Variants in CTNNA3 observed in about 807,000 individuals in gnomAD.
CTNNA3 encodes catenin alpha-3.
Under a neutral mutation model 95.7 loss-of-function variants are expected in CTNNA3, and 76 were observed. The observed-to-expected ratio is 0.79, with a 90% CI of 0.66 to 0.96. The LOEUF is 0.96. CTNNA3 is among the 40% of genes least tolerant of loss of function. The pLI is 0.00. For missense variants in CTNNA3, 1,191 were observed against 1,089.8 expected (o/e 1.09, Z -1.31); for synonymous variants, 431 against 374.4 (o/e 1.15, Z -1.74).
rs559405141 is a variant in CTNNA3, at chr10:67,252,817, A to C, written c.580-32947T>G. ...TTTCTGGTGCAACATGCTGTCAATC[A>C]GAACACATTTTCTGTTTATGTCTTT... On this transcript the variant is annotated intron_variant, in intron 5 of 17. Transcript: ENST00000433211. Among the ~76,000 whole-genome samples, 481 of 152,340 alleles carry C rather than the reference A, an allele frequency of 3.2e-3. 3 individuals carry two copies. The highest frequency in any genetic ancestry group is 5.9e-3 in the Non-Finnish European group (403 of 68,024).
chr10:67,762,514 G>A (rs940235449), intron 1 of CTNNA3, among the ~76,000 whole-genome samples: 1 of 152,072 alleles, frequency 6.6e-6, no homozygotes, highest in African/African-American at 2.4e-5. Flanking sequence ...AGAAGAAAAG[G>A]AACTTCCAGT....
Position 66,745,587 on chromosome 10 carries a change from C to CTTTTTTTT in CTNNA3, c.1281+20669_1281+20676dup, listed in dbSNP as rs368932444. On this transcript the variant is annotated intron_variant, in intron 9 of 17. Coordinates refer to ENST00000433211, the MANE Select transcript of CTNNA3 (RefSeq NM_013266.4). Reference sequence around the variant, plus strand: ...TCTAATGGTATATAATGCAGACAGCCTTTTTTTTTTTTTTTTTTTTGAGAC... The same window carrying CTTTTTTTT: ...TCTAATGGTATATAATGCAGACAGCCTTTTTTTTTTTTTTTTTTTTTTTTTTTTGAGAC... Among the ~76,000 whole-genome samples, 5 of 109,648 alleles carry CTTTTTTTT rather than the reference C, an allele frequency of 4.6e-5. 1 individual carries two copies. The highest frequency in any genetic ancestry group is 8.9e-5 in the Non-Finnish European group (5 of 56,414). The allele number at this position is 109,648 out of a possible 152,430, so 71.9% of individuals were successfully genotyped here. A position where few individuals can be genotyped will look rare whatever the true frequency, so the allele number is the denominator to read the frequency against.
intron 5 of CTNNA3, among the ~76,000 whole-genome samples, chr10:67,389,536 A>T (rs2132762735): frequency 6.6e-6 from 1 of 152,082 alleles, no homozygotes; most frequent in South Asian, 2.1e-4. Context: ...CAGGAATTGA[A>T]CTCAGCTCTG....
chr10:66,346,264 GAGAGAGAGAGAGAGAGAGAGAGAA>G (rs1349303812), intron 12 of CTNNA3, among the ~76,000 whole-genome samples: 195 of 109,932 alleles, frequency 1.8e-3, no homozygotes, highest in African/African-American at 6.9e-3. Flanking sequence ...GAGAGAGAGA[GAGAGAGAGAGAGAGAGAGAGAGAA>G]AGAGAGACAG....
intron 5 of CTNNA3, among the ~76,000 whole-genome samples, chr10:67,358,418 C>A (rs564838054): frequency 1.9e-4 from 29 of 152,130 alleles, no homozygotes; most frequent in Admixed American, 3.9e-4. Flanking sequence ...AACCATCACA[C>A]TTTGCACAGA....
At chr10:66,386,484 T>C (rs542760232) in intron 11 of CTNNA3, among the ~76,000 whole-genome samples, 4 of 152,184 alleles carry the variant, frequency 2.6e-5, no homozygotes, top group South Asian at 2.1e-4. Flanking sequence ...TGCTCATGGA[T>C]AGGAAGAATC....
At chr10:66,077,092 T>C (rs2080579743) in intron 14 of CTNNA3, among the ~76,000 whole-genome samples, 1 of 151,808 alleles carries the variant, frequency 6.6e-6, no homozygotes. Context: ...TTCAGTGTTG[T>C]GATCATATTG....
In CTNNA3 at chr10:65,912,877, G is replaced by C. The variant is rs1698658751; in HGVS notation, c.*7453C>G. On this transcript the variant is annotated 3_prime_UTR_variant, in exon 18 of 18. Coordinates refer to ENST00000433211, the MANE Select transcript of CTNNA3 (RefSeq NM_013266.4). Reference sequence around the variant, plus strand: ...TAAATATGGACCAGAAAGGCCTACAGTATTTTTGCCAAATTTTATCTATAG... The same window carrying C: ...TAAATATGGACCAGAAAGGCCTACACTATTTTTGCCAAATTTTATCTATAG... 6.6e-6 allele frequency: 1 copy of C among 152,190 alleles called. No homozygotes were observed. Among genetic ancestry groups the C allele is most frequent in the Non-Finnish European group, 1.5e-5 (1 of 68,006 alleles). 9.4% of individuals were successfully genotyped at this position (152,190 alleles called of 1,614,324 possible).
At chr10:67,358,268 C>T (rs1367838809) in intron 5 of CTNNA3, among the ~76,000 whole-genome samples, 2 of 152,056 alleles carry the variant, frequency 1.3e-5, no homozygotes, top group African/African-American at 4.8e-5. Context: ...GAAAACTGAA[C>T]TGGACTTCAT....
chr10:66,541,504 A>G (rs756057306), intron 10 of CTNNA3, among the ~76,000 whole-genome samples: 6 of 152,146 alleles, frequency 3.9e-5, no homozygotes, highest in Non-Finnish European at 8.8e-5. Context: ...TAAAGTTCCT[A>G]TATTGAATGC....
chr10:67,483,693 G>A (rs893596239), intron 5 of CTNNA3, among the ~76,000 whole-genome samples: 1 of 150,216 alleles, frequency 6.7e-6, no homozygotes, highest in African/African-American at 2.5e-5. Context: ...CACCAGCATG[G>A]CACATGTATA....
intron 5 of CTNNA3, among the ~76,000 whole-genome samples, chr10:67,430,039 G>A (rs1846057953): frequency 6.6e-6 from 1 of 151,996 alleles, no homozygotes; most frequent in African/African-American, 2.4e-5. Context: ...TTTTTGGTGA[G>A]AAGAGTATAT....
At chr10:66,769,225 T>G (rs1432521712) in intron 8 of CTNNA3, among the ~76,000 whole-genome samples, 1 of 152,236 alleles carries the variant, frequency 6.6e-6, no homozygotes, top group Non-Finnish European at 1.5e-5. Context: ...GTGCCAACTT[T>G]TGTCATCTTT....
At chr10:66,280,327 G>T in intron 13 of CTNNA3, 143 bp downstream of exon 13, 1 of 664,856 alleles carries the variant, frequency 1.5e-6, no homozygotes, top group East Asian at 3.0e-5. Context: ...CTGACTTTGG[G>T]GATACATATG....
chr10:66,388,013 G>A (rs1258108123), intron 11 of CTNNA3, among the ~76,000 whole-genome samples: 1 of 152,070 alleles, frequency 6.6e-6, no homozygotes, highest in East Asian at 1.9e-4. Context: ...GTTGATGGGT[G>A]CAGCAAACCA....
At chr10:66,806,898 T>A (rs1036033641) in intron 7 of CTNNA3, among the ~76,000 whole-genome samples, 4 of 151,772 alleles carry the variant, frequency 2.6e-5, no homozygotes, top group Non-Finnish European at 5.9e-5. Context: ...TAGATAAACA[T>A]TTCAGGAAAT....
At chr10:67,293,938 C>T (rs899918980) in intron 5 of CTNNA3, among the ~76,000 whole-genome samples, 2 of 152,022 alleles carry the variant, frequency 1.3e-5, no homozygotes, top group Non-Finnish European at 2.9e-5. Flanking sequence ...TGGCTTGGTT[C>T]CAAGTCTTTG....
At chr10:67,346,207 T>C (rs895958148) in intron 5 of CTNNA3, among the ~76,000 whole-genome samples, 3 of 152,176 alleles carry the variant, frequency 2.0e-5, no homozygotes, top group African/African-American at 7.2e-5. Context: ...AAAAGCTTTG[T>C]AGTTATTATT....
chr10:66,568,326 A>G (rs923472023), intron 10 of CTNNA3, among the ~76,000 whole-genome samples: 2 of 152,196 alleles, frequency 1.3e-5, no homozygotes, highest in African/African-American at 2.4e-5. Flanking sequence ...CAAAACTGAC[A>G]AGCATTCTAT....
Sources: allele counts gnomAD v4.1 joint callset (sites outside exome capture counted in the v4.1 genomes callset), GRCh38; gene constraint gnomAD v4.1.1; transcripts MANE v1.5; gene names NCBI Gene and HGNC (gene_info 2026-07-23, HGNC 2026-07-21).